Variants in ETNPPL observed in about 807,000 individuals in gnomAD.
ETNPPL encodes alanine--glyoxylate aminotransferase 2-like 1.
A neutral mutation model predicts 55.5 loss-of-function variants in ETNPPL; 30 were observed. The ratio of observed to expected loss-of-function variants is 0.54; its 90% CI spans 0.40 to 0.73. ETNPPL has a LOEUF of 0.73. Ranked by LOEUF, ETNPPL falls within the 30% of genes least tolerant of loss-of-function variation. The pLI is 0.00. For synonymous variants in ETNPPL, 202 were observed against 207.2 expected (o/e 0.98, Z 0.21); for missense variants, 528 against 607.9 (o/e 0.87, Z 1.38).
intron 7 of ETNPPL, among the ~76,000 whole-genome samples, chr4:108,749,749 C>T (rs1160576847): frequency 6.6e-6 from 1 of 152,004 alleles, no homozygotes; most frequent in Non-Finnish European, 1.5e-5. Context: ...CACTCTGTTG[C>T]CCAGGCTGGA....
intron 9 of ETNPPL, among the ~76,000 whole-genome samples, chr4:108,747,398 A>C (rs1016548393): frequency 4.0e-5 from 6 of 150,246 alleles, no homozygotes; most frequent in African/African-American, 7.3e-5. Flanking sequence ...CATTATCCTA[A>C]CTTTATTAAA....
At chr4:108,762,713 T>C in intron 1 of ETNPPL, 130 bp downstream of exon 1, 1 of 1,163,150 alleles carries the variant, frequency 8.6e-7, no homozygotes, top group Middle Eastern at 1.9e-4. Context: ...GCGGGGCGCG[T>C]GCACAGGCGC....
At chr4:108,762,700 C>A in intron 1 of ETNPPL, 143 bp downstream of exon 1, 3 of 1,052,034 alleles carry the variant, frequency 2.9e-6, no homozygotes, top group South Asian at 2.5e-5. Flanking sequence ...CAGGTGGAGG[C>A]GCGCGGGGCG....
At chr4:108,762,017 C>T (rs1026001592) in intron 1 of ETNPPL, among the ~76,000 whole-genome samples, 1 of 152,164 alleles carries the variant, frequency 6.6e-6, no homozygotes, top group African/African-American at 2.4e-5. Context: ...TATATTTACA[C>T]GTATCTTTTT....
At chr4:108,752,291 A>C (rs1368740271) in intron 6 of ETNPPL, among the ~76,000 whole-genome samples, 5 of 152,214 alleles carry the variant, frequency 3.3e-5, no homozygotes, top group Non-Finnish European at 5.9e-5. Context: ...GGTTGCATTA[A>C]CATCCACATA....
intron 8 of ETNPPL, among the ~76,000 whole-genome samples, chr4:108,748,432 A>T (rs958822225): frequency 4.6e-5 from 7 of 152,306 alleles, no homozygotes; most frequent in Admixed American, 1.3e-4. Flanking sequence ...AAAAGCAGAC[A>T]TTATGTTGGG....
rs1324677172 is a variant in ETNPPL, at chr4:108,748,177, A to G, written c.928-18T>C. The G allele has an allele frequency of 1.3e-6, 2 of 1,539,722 alleles. No homozygotes were observed. Among genetic ancestry groups the G allele is most frequent in the Admixed American group, 2.3e-5 (1 of 42,630 alleles). On this transcript the variant is annotated intron_variant, in intron 8 of 12. Coordinates refer to ENST00000296486, the MANE Select transcript of ETNPPL (RefSeq NM_031279.4). Reference sequence around the variant, plus strand: ...CCTCCATACTGTAAAAAAAAAAAAGACAAATGAGAAAATATACCAGTTGAA... The same window carrying G: ...CCTCCATACTGTAAAAAAAAAAAAGGCAAATGAGAAAATATACCAGTTGAA...
intron 11 of ETNPPL, among the ~76,000 whole-genome samples, chr4:108,745,707 G>A (rs1728447666): frequency 6.6e-6 from 1 of 151,958 alleles, no homozygotes; most frequent in East Asian, 1.9e-4. Flanking sequence ...GAGGTGGGTG[G>A]ATCACCTGAG....
At chr4:108,748,220 T>A in intron 8 of ETNPPL, 61 bp from the exon 9 acceptor site, 1 of 1,352,958 alleles carries the variant, frequency 7.4e-7, no homozygotes, top group Non-Finnish European at 1.0e-6. Context: ...TATTCCCTCA[T>A]CCATGAGAAA....
At chr4:108,756,036 C>T (rs1027272864) in intron 4 of ETNPPL, among the ~76,000 whole-genome samples, 4 of 152,188 alleles carry the variant, frequency 2.6e-5, no homozygotes, top group South Asian at 2.1e-4. Flanking sequence ...CGAATAATCA[C>T]AATAGTGAAG....
chr4:108,752,939 C>G lies in ETNPPL; in HGVS notation c.574G>C (p.Glu192Gln), dbSNP rs1416835474. Reference sequence around the variant, plus strand: ...GCATCTTCAATGATTTTCTTCACTTCATCTGCATAAGCACTGGCTGAGTCT... The same window carrying G: ...GCATCTTCAATGATTTTCTTCACTTGATCTGCATAAGCACTGGCTGAGTCT... Reference protein sequence around the residue: ...HADSASAYADEVKKIIEDAHN... With the variant: ...HADSASAYADQVKKIIEDAHN... Residue 192 changes from glutamate (E) to glutamine (Q), a missense_variant, in exon 6 of 13, where the codon GAA becomes CAA. Physicochemically the swap from Glu to Gln is conservative, Grantham distance 29 (BLOSUM62 2). Coordinates refer to ENST00000296486, the MANE Select transcript of ETNPPL (RefSeq NM_031279.4). 1.9e-6 allele frequency: 3 copies of G among 1,612,534 alleles called. No individual in the cohort carries two copies. The highest frequency in any genetic ancestry group is 2.5e-6 in the Non-Finnish European group (3 of 1,179,092).
At chr4:108,742,682 C>G in intron 12 of ETNPPL, 70 bp from the exon 13 acceptor site, 4 of 1,562,260 alleles carry the variant, frequency 2.6e-6, no homozygotes, top group Non-Finnish European at 3.5e-6. Context: ...ACTGACTTAA[C>G]AAGTCCACAC....
chr4:108,758,750 G>A (rs866476096), intron 3 of ETNPPL, among the ~76,000 whole-genome samples: 3 of 152,174 alleles, frequency 2.0e-5, no homozygotes, highest in South Asian at 2.1e-4. Flanking sequence ...AGACCAGCCC[G>A]CATCTCTTGG....
At chr4:108,748,181 A>G in intron 8 of ETNPPL, 22 bp from the exon 9 acceptor site, 2 of 1,541,538 alleles carry the variant, frequency 1.3e-6, no homozygotes, top group South Asian at 1.2e-5. Flanking sequence ...AAAAAGACAA[A>G]TGAGAAAATA....
intron 11 of ETNPPL, among the ~76,000 whole-genome samples, chr4:108,745,955 G>A (rs770426365): frequency 6.3e-5 from 9 of 141,884 alleles, no homozygotes; most frequent in Non-Finnish European, 1.1e-4. Context: ...AAAAAACCAC[G>A]CAAAGTTAAG....
Position 108,759,876 on chromosome 4 carries a change from C to A in ETNPPL, c.208G>T (p.Ala70Ser). The A allele has an allele frequency of 6.2e-7, 1 of 1,614,162 alleles. No individual in the cohort carries two copies. Among genetic ancestry groups the A allele is most frequent in the African/African-American group, 1.3e-5 (1 of 75,048 alleles). Residue 70 changes from alanine to serine, a missense_variant, in exon 3 of 13, where the codon GCC becomes TCC. Coordinates refer to ENST00000296486, the MANE Select transcript of ETNPPL (RefSeq NM_031279.4). ...TTTAGCAGTTCCATCTGTTTCAGGG[C>A]AGCTTTGACCACTCCTGGGTGACAG... is the stretch of plus-strand genomic sequence containing the variant. ...GHCHPGVVKAALKQMELLNTN... is the reference protein window; with the variant it reads ...GHCHPGVVKASLKQMELLNTN...
In ETNPPL at chr4:108,742,475, G is replaced by A. The variant is rs1026535280; in HGVS notation, c.*9C>T. 6.2e-7 allele frequency: 1 copy of A among 1,613,790 alleles called. No individual in the cohort carries two copies. Among genetic ancestry groups the A allele is most frequent in the Non-Finnish European group, 8.5e-7 (1 of 1,179,776 alleles). The stretch of plus-strand genomic sequence containing the variant: ...TGGACATCGCATCTTGCTTTAAAAT[G>A]CAAATCAGTCATGTCTTGAGCCTCT... On this transcript the variant is annotated 3_prime_UTR_variant, in exon 13 of 13. Coordinates refer to ENST00000296486, the MANE Select transcript of ETNPPL (RefSeq NM_031279.4).
rs1333975026 is a variant in ETNPPL, at chr4:108,747,238, ATAAT to A, written c.1083-391_1083-388del. On this transcript the variant is annotated intron_variant, in intron 9 of 12. Coordinates refer to ENST00000296486, the MANE Select transcript of ETNPPL (RefSeq NM_031279.4). ...ATATATATATATTATATATATATAT[ATAAT>A]ATATATATATATTATATATATATAT... Among the ~76,000 whole-genome samples, 146 of 44,450 alleles carry A rather than the reference ATAAT, an allele frequency of 3.3e-3. 14 individuals carry two copies. The highest frequency in any genetic ancestry group is 0.024 in the African/African-American group (140 of 5,846). The allele number at this position is 44,450 out of a possible 152,430, so 29.2% of individuals were successfully genotyped here.
rs1432919938 is a variant in ETNPPL at position 108,747,145 on chromosome 4, TATA to T, written c.1083-297_1083-295del. On this transcript the variant is annotated intron_variant, in intron 9 of 12. Transcript: ENST00000296486. ...AACATTATATATATATATATATATA[TATA>T]ATATATATATATATATTATATATAT... 5.6e-3 allele frequency among the ~76,000 whole-genome samples: 128 copies of T among 22,860 alleles called. 20 individuals carry two copies. The highest frequency in any genetic ancestry group is 0.032 in the African/African-American group (110 of 3,434). The allele number at this position is 22,860 out of a possible 152,430, so 15.0% of individuals were successfully genotyped here. A position where few individuals can be genotyped will look rare whatever the true frequency, so the allele number is the denominator to read the frequency against.
Sources: allele counts gnomAD v4.1 joint callset (sites outside exome capture counted in the v4.1 genomes callset), GRCh38; gene constraint gnomAD v4.1.1; transcripts MANE v1.5; gene names NCBI Gene and HGNC (gene_info 2026-07-23, HGNC 2026-07-21).